Variants in IQCM observed in about 807,000 individuals in gnomAD.
The protein encoded by IQCM is IQ domain-containing protein M.
Under a neutral mutation model 57.6 loss-of-function variants are expected in IQCM, and 45 were observed. That is an observed-to-expected ratio of 0.78 (90% CI 0.62 to 1.00). The LOEUF is 1.00. Among genes scored for constraint, IQCM ranks in the 50% least tolerant of loss-of-function variants. IQCM has a pLI of 0.00. For missense variants in IQCM, 468 were observed against 511.6 expected (o/e 0.91, Z 0.82); for synonymous variants, 148 against 158.9 (o/e 0.93, Z 0.51).
intron 5 of IQCM, among the ~76,000 whole-genome samples, chr4:149,694,277 T>G (rs1458958172): frequency 7.1e-6 from 1 of 140,146 alleles, no homozygotes; most frequent in Non-Finnish European, 1.5e-5. Context: ...CAGGCTGGAG[T>G]GCAGTGGCGG....
At chr4:149,807,643 C>A (rs1437861943) in intron 2 of IQCM, among the ~76,000 whole-genome samples, 1 of 151,908 alleles carries the variant, frequency 6.6e-6, no homozygotes, top group African/African-American at 2.4e-5. Context: ...AGTGAAGAGA[C>A]AACCCATAGA....
chr4:149,492,987 T>A (rs1487002173), intron 12 of IQCM, among the ~76,000 whole-genome samples: 2 of 152,092 alleles, frequency 1.3e-5, no homozygotes. Context: ...ATGTCCATCT[T>A]GTAAGAGCAC....
intron 5 of IQCM, among the ~76,000 whole-genome samples, chr4:149,727,025 C>CGTAA (rs1420241267): frequency 6.6e-6 from 1 of 152,120 alleles, no homozygotes; most frequent in Non-Finnish European, 1.5e-5. Context: ...GCTGGGATTA[C>CGTAA]AGGTGTGAGT....
intron 2 of IQCM, among the ~76,000 whole-genome samples, chr4:149,808,067 G>A (rs1464874684): frequency 1.3e-5 from 2 of 152,072 alleles, no homozygotes; most frequent in Non-Finnish European, 2.9e-5. Flanking sequence ...CCACTGCTGA[G>A]CATATTTCCA....
chr4:149,685,420 C>A (rs567786203), intron 6 of IQCM, among the ~76,000 whole-genome samples: 5 of 151,570 alleles, frequency 3.3e-5, no homozygotes, highest in Admixed American at 1.3e-4. Flanking sequence ...TAATTAATAT[C>A]TTCCCTTATC....
At chr4:149,761,934 TGAA>T (rs1376020256) in intron 2 of IQCM, among the ~76,000 whole-genome samples, 1 of 152,068 alleles carries the variant, frequency 6.6e-6, no homozygotes, top group African/African-American at 2.4e-5. Flanking sequence ...ATAAAATTTA[TGAA>T]AAGAGTTATA....
chr4:149,368,783 T>TATATATACAC (rs1560778766), intron 13 of IQCM, among the ~76,000 whole-genome samples: 2 of 77,232 alleles, frequency 2.6e-5, no homozygotes, highest in Admixed American at 3.2e-4. Flanking sequence ...TATATATACA[T>TATATATACAC]GTATATATAT....
At chr4:149,797,544 C>G (rs1773219747) in intron 2 of IQCM, among the ~76,000 whole-genome samples, 2 of 151,742 alleles carry the variant, frequency 1.3e-5, no homozygotes, top group Non-Finnish European at 2.9e-5. Context: ...ATCCAATATC[C>G]TACAGAGAGA....
At chr4:149,358,606 G>C (rs1304975828) in intron 13 of IQCM, among the ~76,000 whole-genome samples, 1 of 152,058 alleles carries the variant, frequency 6.6e-6, no homozygotes, top group Non-Finnish European at 1.5e-5. Flanking sequence ...AATAGACTCA[G>C]AGAACAGTCC....
rs181951658 is a variant in IQCM at position 149,665,151 on chromosome 4, T to C, written c.565+16967A>G. 1.4e-4 allele frequency among the ~76,000 whole-genome samples: 22 copies of C among 152,260 alleles called. 1 individual carries two copies. The highest frequency in any genetic ancestry group is 5.1e-4 in the African/African-American group (21 of 41,564). On this transcript the variant is annotated intron_variant, in intron 7 of 13. Transcript: ENST00000636793. The stretch of plus-strand genomic sequence containing the variant: ...GCCCCTGGGGTAGGACACACTCTGG[T>C]AGTAGGTCCAGCTTCAGGATGGTGC...
At chr4:149,783,324 T>C (rs1771784230) in intron 2 of IQCM, among the ~76,000 whole-genome samples, 1 of 152,216 alleles carries the variant, frequency 6.6e-6, no homozygotes, top group Non-Finnish European at 1.5e-5. Context: ...TGCTTGTATA[T>C]CTCATGTAAT....
At chr4:149,705,050 T>C (rs1055367996) in intron 5 of IQCM, among the ~76,000 whole-genome samples, 3 of 151,436 alleles carry the variant, frequency 2.0e-5, no homozygotes, top group Non-Finnish European at 4.4e-5. Context: ...GCTTTCCTGG[T>C]TCTCCAGCTT....
chr4:149,598,464 A>T (rs923912486), intron 8 of IQCM, among the ~76,000 whole-genome samples: 1 of 152,202 alleles, frequency 6.6e-6, no homozygotes, highest in Non-Finnish European at 1.5e-5. Context: ...GGATACTTCA[A>T]AAAATAAGAG....
chr4:149,686,263 C>G, intron 6 of IQCM, 115 bp downstream of exon 6: 1 of 429,176 alleles, frequency 2.3e-6, no homozygotes, highest in Non-Finnish European at 3.9e-6. Context: ...AATAAATTAG[C>G]TTCATGTATG....
intron 12 of IQCM, among the ~76,000 whole-genome samples, chr4:149,485,015 A>T (rs1333758866): frequency 6.6e-6 from 1 of 152,068 alleles, no homozygotes; most frequent in African/African-American, 2.4e-5. Flanking sequence ...TAACTTTAGC[A>T]CTTTAAATAT....
chr4:149,378,654 A>G (rs1730863803), intron 13 of IQCM, among the ~76,000 whole-genome samples: 1 of 152,182 alleles, frequency 6.6e-6, no homozygotes, highest in South Asian at 2.1e-4. Context: ...GGGTGCTGTT[A>G]AAGGCATTCA....
At chr4:149,696,166 TG>T (rs553937422) in intron 5 of IQCM, among the ~76,000 whole-genome samples, 283 of 152,268 alleles carry the variant, frequency 1.9e-3, no homozygotes, top group Non-Finnish European at 3.3e-3. Flanking sequence ...CCTTGTACAG[TG>T]GTTGCTCTGT....
At chr4:149,465,290 T>C (rs1422126883) in intron 12 of IQCM, among the ~76,000 whole-genome samples, 1 of 152,194 alleles carries the variant, frequency 6.6e-6, no homozygotes, top group Non-Finnish European at 1.5e-5. Flanking sequence ...ATAATTTATA[T>C]AAATAATACA....
chr4:149,546,304 A>T (rs2149890281), intron 12 of IQCM, among the ~76,000 whole-genome samples: 1 of 152,332 alleles, frequency 6.6e-6, no homozygotes, highest in South Asian at 2.1e-4. Context: ...TTATAGCAGC[A>T]TGATTTATAA....
Sources: gnomAD v4.1 joint callset for allele counts (sites outside exome capture counted in the v4.1 genomes callset) on GRCh38, gnomAD v4.1.1 for gene constraint, MANE v1.5 for transcripts, NCBI Gene and HGNC (gene_info 2026-07-23, HGNC 2026-07-21) for gene names.